Variants in CARD14 observed in about 807,000 individuals in gnomAD.
The protein encoded by CARD14 is caspase recruitment domain family member 14, also known as caspase recruitment domain-containing protein 14.
Under a neutral mutation model 111.5 loss-of-function variants are expected in CARD14, and 107 were observed. That is an observed-to-expected ratio of 0.96 (90% CI 0.82 to 1.13). The LOEUF (loss-of-function observed/expected upper bound fraction) is 1.13, where lower values mean the gene tolerates loss of function less well. Ranked by LOEUF, CARD14 falls within the 50% of genes most tolerant of loss-of-function variation. The pLI is 0.00. For missense variants in CARD14, 1,322 were observed against 1,362.3 expected, an observed-to-expected ratio of 0.97 and a Z score of 0.47; for synonymous variants, 617 against 579.6, an observed-to-expected ratio of 1.06 and a Z score of -0.93.
intron 2 of CARD14, among the ~76,000 whole-genome samples, chr17:80,177,657 T>C (rs1052180279): frequency 6.6e-6 from 1 of 152,152 alleles, no homozygotes; most frequent in African/African-American, 2.4e-5. Context: ...ATTGTGCCAT[T>C]GCACTGCAGC....
chr17:80,190,478 T>TTACA (rs2040487371), intron 9 of CARD14, among the ~76,000 whole-genome samples: 3 of 151,800 alleles, frequency 2.0e-5, no homozygotes, highest in Admixed American at 2.0e-4. Context: ...CTGGGCCTGG[T>TTACA]GGTGTGTGCC....
intron 23 of CARD14, 82 bp downstream of exon 23, chr17:80,207,167 T>A: frequency 1.0e-6 from 1 of 974,708 alleles, no homozygotes; most frequent in Non-Finnish European, 1.6e-6. Flanking sequence ...GCCTCTGGAG[T>A]GTGCTCTGCG....
chr17:80,196,059 T>A, intron 14 of CARD14: 1 of 168,414 alleles, frequency 5.9e-6, no homozygotes, highest in South Asian at 1.5e-4. Context: ...GGAGCATCTC[T>A]CCTCTCAGGC....
intron 7 of CARD14, among the ~76,000 whole-genome samples, chr17:80,187,124 T>A (rs1360027831): frequency 1.3e-5 from 2 of 152,236 alleles, no homozygotes; most frequent in Non-Finnish European, 2.9e-5. Context: ...TTTCTTGCCT[T>A]CTCCTGTTCC....
intron 22 of CARD14, chr17:80,205,906 G>A (rs1443386436): frequency 2.5e-6 from 1 of 393,154 alleles, no homozygotes; most frequent in Admixed American, 4.1e-5. Flanking sequence ...ATAGATATTT[G>A]TTCGAGAATG....
At chr17:80,207,368 T>G (rs1245562903) in intron 23 of CARD14, among the ~76,000 whole-genome samples, 1 of 152,118 alleles carries the variant, frequency 6.6e-6, no homozygotes, top group Non-Finnish European at 1.5e-5. Flanking sequence ...CTGGCCAACA[T>G]GGAGAAACCC....
At chr17:80,180,970 C>A (rs1489105929) in intron 4 of CARD14, among the ~76,000 whole-genome samples, 1 of 152,118 alleles carries the variant, frequency 6.6e-6, no homozygotes, top group Non-Finnish European at 1.5e-5. Context: ...ACCATATTTG[C>A]CAGGCTGGTC....
Position 80,195,952 on chromosome 17 carries a change from G to A in CARD14, c.1594+300G>A. On this transcript the variant is annotated intron_variant, in intron 14 of 23. Transcript: ENST00000648509. The surrounding 1 kb of genome is among the most constrained non-coding windows in gnomAD (Gnocchi z 4.7). ...AGCACCCAGCCCCCTGCTCTGATCT[G>A]TAACGCTTGGGCTTCCCAGTGGTTT... 1 of 322,054 alleles carries A rather than the reference G, an allele frequency of 3.1e-6. No homozygotes were observed. The highest frequency in any genetic ancestry group is 6.0e-5 in the East Asian group (1 of 16,592). The allele number at this position is 322,054 out of a possible 1,614,324, so 19.9% of individuals were successfully genotyped here. A position where few individuals can be genotyped will look rare whatever the true frequency, so the allele number is the denominator to read the frequency against.
intron 18 of CARD14, chr17:80,202,629 GAACATTC>G: frequency 7.1e-7 from 1 of 1,411,644 alleles, no homozygotes; most frequent in Non-Finnish European, 9.2e-7. Context: ...GTTCATTCTA[GAACATTC>G]TAGATCTGGG....
At chr17:80,187,893 T>C in intron 7 of CARD14, 1 of 985,652 alleles carries the variant, frequency 1.0e-6, no homozygotes, top group Non-Finnish European at 1.2e-6. Flanking sequence ...GGAGCTTTGC[T>C]GTCTGAACAG....
At chr17:80,186,373 A>T (rs1490408067) in intron 7 of CARD14, among the ~76,000 whole-genome samples, 1 of 152,142 alleles carries the variant, frequency 6.6e-6, no homozygotes, top group Non-Finnish European at 1.5e-5. Flanking sequence ...ATGGACCCAG[A>T]TGTGACCAAT....
intron 4 of CARD14, among the ~76,000 whole-genome samples, chr17:80,180,889 A>C (rs2040150457): frequency 6.6e-6 from 1 of 152,072 alleles, no homozygotes; most frequent in Non-Finnish European, 1.5e-5. Flanking sequence ...CAGCCTCCTA[A>C]GTAGCTGGGA....
chr17:80,205,180 C>T lies in CARD14; in HGVS notation c.2544C>T (p.Leu848=), dbSNP rs1171320109. ...TCCTGAGCGAGAAACTGTGCCTCCT[C>T]CAAGGGTTTAAGAAGTGCCTGGCAG... ...GKILSEKLCL[L]QGFKKCLAEY... is the part of the protein sequence containing the mutation. Residue 848 remains leucine, a synonymous_variant, in exon 21 of 24, where the codon CTC becomes CTT. Coordinates refer to ENST00000648509, the MANE Select transcript of CARD14 (RefSeq NM_001366385.1). 4 of 1,613,496 alleles carry T rather than the reference C, an allele frequency of 2.5e-6. No homozygotes were observed. The highest frequency in any genetic ancestry group is 3.4e-6 in the Non-Finnish European group (4 of 1,179,872).
At chr17:80,174,126 C>T (rs1235528931) in intron 2 of CARD14, among the ~76,000 whole-genome samples, 1 of 152,060 alleles carries the variant, frequency 6.6e-6, no homozygotes, top group Non-Finnish European at 1.5e-5. Context: ...GTGCTTGAGC[C>T]CAGGAGTTTG....
chr17:80,189,755 G>T lies in CARD14; in HGVS notation c.846G>T (p.Ala282=). The T allele has an allele frequency of 6.3e-7, 1 of 1,575,424 alleles. No homozygotes were observed. Among genetic ancestry groups the T allele is most frequent in the Non-Finnish European group, 8.6e-7 (1 of 1,165,138 alleles). The part of the protein sequence containing the change: ...EKLRSLTFSL[A]EKDILEQSLD... The stretch of plus-strand genomic sequence containing the variant: ...AGGCTGACCTCTCTCTGCCCCAGGC[G>T]GAGAAGGACATTCTGGAGCAGAGCC... Residue 282 remains alanine (A), a splice_region_variant and synonymous_variant, in exon 9 of 24, where the codon GCG becomes GCT. Coordinates refer to ENST00000648509, the MANE Select transcript of CARD14 (RefSeq NM_001366385.1). The surrounding 1 kb of genome is among the most constrained non-coding windows in gnomAD (Gnocchi z 4.7).
intron 10 of CARD14, 123 bp downstream of exon 10, chr17:80,191,022 C>T: frequency 7.4e-7 from 1 of 1,349,056 alleles, no homozygotes; most frequent in Non-Finnish European, 1.0e-6. Context: ...TTCAGGGTCT[C>T]TTTCCTCGGT....
chr17:80,205,011 C>T (rs767476687), intron 20 of CARD14, 24 bp from the exon 21 acceptor site: 2 of 1,533,712 alleles, frequency 1.3e-6, no homozygotes, highest in African/African-American at 2.7e-5. Context: ...GCCTCACCCA[C>T]CCTCAGGATC....
intron 7 of CARD14, 76 bp downstream of exon 7, chr17:80,184,314 C>T: frequency 1.7e-6 from 2 of 1,207,982 alleles, no homozygotes; most frequent in Non-Finnish European, 2.2e-6. Context: ...TGGTCCATCT[C>T]CCTGGAACTC....
Position 80,195,444 on chromosome 17 carries a change from C to T in CARD14, c.1499+111C>T, listed in dbSNP as rs974693576. 9 of 1,502,532 alleles carry T rather than the reference C, an allele frequency of 6.0e-6. No homozygotes were observed. Among genetic ancestry groups the T allele is most frequent in the Non-Finnish European group, 7.2e-6 (8 of 1,117,822 alleles). 93.1% of individuals were successfully genotyped at this position (1,502,532 alleles called of 1,614,324 possible). On this transcript the variant is annotated intron_variant, in intron 13 of 23. Transcript: ENST00000648509. This position sits in a 1 kb window ranked among gnomAD's most constrained non-coding sequence, Gnocchi z 4.7. ...GGCATCTGGGTATTGCAGGCAGCAG[C>T]TCCTGCCCTCGAAGCCCCAGAGCTG... is the stretch of plus-strand genomic sequence containing the variant.
Sources: gnomAD v4.1 joint callset for allele counts (sites outside exome capture counted in the v4.1 genomes callset) on GRCh38, gnomAD v4.1.1 for gene constraint, Gnocchi (gnomAD v3.1) non-coding constraint, MANE v1.5 for transcripts, NCBI Gene and HGNC (gene_info 2026-07-23, HGNC 2026-07-21) for gene names.